GABRB2: variants seen among roughly 807,000 people sequenced by gnomAD.
The protein encoded by GABRB2 is gamma-aminobutyric acid type A receptor subunit beta2.
A neutral mutation model predicts 54.7 loss-of-function variants in GABRB2; 16 were observed. The ratio of observed to expected loss-of-function variants is 0.29; its 90% CI spans 0.20 to 0.44. The LOEUF (loss-of-function observed/expected upper bound fraction) is 0.44, where lower values mean the gene tolerates loss of function less well. GABRB2 is among the 20% of genes least tolerant of loss of function. GABRB2 has a pLI of 1.00. For missense variants in GABRB2, 355 were observed against 644.0 expected, an observed-to-expected ratio of 0.55 and a Z score of 4.86; for synonymous variants, 244 against 233.8, an observed-to-expected ratio of 1.04 and a Z score of -0.40.
At chr5:161,500,484 C>T (rs929995708) in intron 3 of GABRB2, among the ~76,000 whole-genome samples, 5 of 152,244 alleles carry the variant, frequency 3.3e-5, no homozygotes, top group East Asian at 1.9e-4. Context: ...TTTGTGTAAT[C>T]TGTAACAGGG....
At chr5:161,545,131 G>T in intron 3 of GABRB2, 96 bp downstream of exon 3, 1 of 845,064 alleles carries the variant, frequency 1.2e-6, no homozygotes, top group Non-Finnish European at 1.9e-6. Context: ...CATACACATA[G>T]CCAAGCACAC....
intron 5 of GABRB2, among the ~76,000 whole-genome samples, chr5:161,341,264 C>T (rs1019259564): frequency 6.6e-6 from 1 of 151,706 alleles, no homozygotes; most frequent in African/African-American, 2.4e-5. Context: ...ATATATATGA[C>T]CTGACTTTTA....
At chr5:161,459,873 T>C in intron 3 of GABRB2, 29 bp from the exon 4 acceptor site, 1 of 1,376,960 alleles carries the variant, frequency 7.3e-7, no homozygotes, top group Non-Finnish European at 1.0e-6. Flanking sequence ...AAAACATGGT[T>C]AGTTTACACC....
upstream of GABRB2, chr5:161,547,089 G>A (rs1761010840): frequency 6.2e-6 from 1 of 160,524 alleles, no homozygotes; most frequent in South Asian, 1.7e-4. Context: ...GCGTGCCAGC[G>A]GAAGATAGGT....
chr5:161,381,210 T>A (rs1452459630), intron 5 of GABRB2, among the ~76,000 whole-genome samples: 1 of 152,152 alleles, frequency 6.6e-6, no homozygotes, highest in Non-Finnish European at 1.5e-5. Flanking sequence ...TGAGCCTGAG[T>A]TTCTACATCT....
At chr5:161,541,020 A>T (rs1760794790) in intron 3 of GABRB2, among the ~76,000 whole-genome samples, 1 of 151,846 alleles carries the variant, frequency 6.6e-6, no homozygotes, top group African/African-American at 2.4e-5. Flanking sequence ...TAATTTTTGT[A>T]TTTTTTGTAG....
At chr5:161,514,599 G>A (rs1230890324) in intron 3 of GABRB2, among the ~76,000 whole-genome samples, 1 of 152,092 alleles carries the variant, frequency 6.6e-6, no homozygotes, top group Non-Finnish European at 1.5e-5. Flanking sequence ...GTGTGTATGT[G>A]TGTGTAAATT....
At chr5:161,460,235 C>T (rs1758078509) in intron 3 of GABRB2, among the ~76,000 whole-genome samples, 1 of 151,854 alleles carries the variant, frequency 6.6e-6, no homozygotes, top group African/African-American at 2.4e-5. Context: ...CATGAGCCAC[C>T]ACAACCGGCC....
chr5:161,302,339 G>A (rs1167514659), intron 9 of GABRB2, among the ~76,000 whole-genome samples: 1 of 152,036 alleles, frequency 6.6e-6, no homozygotes, highest in Non-Finnish European at 1.5e-5. Flanking sequence ...CCCTGAAGAG[G>A]GGACCTTATT....
chr5:161,466,818 G>A (rs532283594), intron 3 of GABRB2, among the ~76,000 whole-genome samples: 1 of 152,040 alleles, frequency 6.6e-6, no homozygotes, highest in East Asian at 1.9e-4. Context: ...TTTCCAATAT[G>A]CATTTTTTTC....
intron 3 of GABRB2, among the ~76,000 whole-genome samples, chr5:161,514,024 C>T (rs1001716695): frequency 1.3e-5 from 2 of 152,034 alleles, no homozygotes; most frequent in African/African-American, 4.8e-5. Flanking sequence ...TCATTTGAAG[C>T]AAGAAAGCAG....
At position 161,430,788 on chromosome 5, in the gene GABRB2, G is replaced by A. The variant is rs186915072; in HGVS notation, c.459-19731C>T. 2.6e-5 allele frequency among the ~76,000 whole-genome samples: 4 copies of A among 152,210 alleles called. No homozygotes were observed. In the East Asian group the frequency reaches 7.7e-4, roughly 29 times the overall value. On this transcript the variant is annotated intron_variant, in intron 4 of 9. Transcript: ENST00000393959. ...AATTTAAAGCTCAAACATGATAAAA[G>A]CCAATTAAATTACTATTAAACTACT... is the stretch of plus-strand genomic sequence containing the variant.
At chr5:161,462,597 A>T (rs1164243808) in intron 3 of GABRB2, among the ~76,000 whole-genome samples, 1 of 152,136 alleles carries the variant, frequency 6.6e-6, no homozygotes, top group African/African-American at 2.4e-5. Context: ...ATCAGCTGAG[A>T]TGTGTTTGGA....
intron 9 of GABRB2, among the ~76,000 whole-genome samples, chr5:161,311,202 G>A (rs192804443): frequency 6.6e-6 from 1 of 152,256 alleles, no homozygotes; most frequent in East Asian, 1.9e-4. Flanking sequence ...CTCATCTCAT[G>A]GATAATAAAA....
At position 161,515,508 on chromosome 5, in the gene GABRB2, A is replaced by G. The variant is rs867335793; in HGVS notation, c.237+29719T>C. Among the ~76,000 whole-genome samples, 43 of 152,070 alleles carry G rather than the reference A, an allele frequency of 2.8e-4. 1 individual carries two copies. In the South Asian group the frequency reaches 3.1e-3, roughly 11 times the overall value. On this transcript the variant is annotated intron_variant, in intron 3 of 9. Transcript: ENST00000393959. ...TAAGCACTTTAATTAGCTAAAAAGAAAAAAAAAGGATGTTTAAGGTCTGGT... is the reference window on the plus strand; with the variant it reads ...TAAGCACTTTAATTAGCTAAAAAGAGAAAAAAAGGATGTTTAAGGTCTGGT...
At chr5:161,416,923 T>C (rs1450553146) in intron 4 of GABRB2, among the ~76,000 whole-genome samples, 1 of 151,860 alleles carries the variant, frequency 6.6e-6, no homozygotes, top group African/African-American at 2.4e-5. Context: ...AAAAAATATA[T>C]TGATATATAT....
intron 4 of GABRB2, among the ~76,000 whole-genome samples, chr5:161,420,214 T>C (rs1232174078): frequency 1.3e-5 from 2 of 152,208 alleles, no homozygotes; most frequent in African/African-American, 4.8e-5. Context: ...CCCAGTCTTT[T>C]AATTTTTTTA....
At chr5:161,344,812 T>G (rs1020923622) in intron 5 of GABRB2, among the ~76,000 whole-genome samples, 2 of 152,038 alleles carry the variant, frequency 1.3e-5, no homozygotes, top group Admixed American at 6.6e-5. Flanking sequence ...AATCAATGGA[T>G]AGACTGGAAA....
chr5:161,299,956 G>C (rs909514945), intron 9 of GABRB2, among the ~76,000 whole-genome samples: 4 of 152,140 alleles, frequency 2.6e-5, no homozygotes, highest in African/African-American at 9.7e-5. Context: ...AACAGTGTTG[G>C]GTTTCAATAT....
Sources: allele counts gnomAD v4.1 joint callset (sites outside exome capture counted in the v4.1 genomes callset), GRCh38; gene constraint gnomAD v4.1.1; transcripts MANE v1.5; gene names NCBI Gene and HGNC (gene_info 2026-07-23, HGNC 2026-07-21).